Variants in PLA2R1 observed in about 807,000 individuals in gnomAD.
The protein encoded by PLA2R1 is phospholipase A2 receptor 1, also known as secretory phospholipase A2 receptor.
A neutral mutation model predicts 195.9 loss-of-function variants in PLA2R1; 158 were observed. The ratio of observed to expected loss-of-function variants is 0.81; its 90% CI spans 0.71 to 0.92. PLA2R1 has a LOEUF of 0.92. Ranked by LOEUF, PLA2R1 falls within the 40% of genes least tolerant of loss-of-function variation. The probability of loss-of-function intolerance (pLI) is 0.00; values close to 1 mark genes in which losing one functional copy is unlikely to be tolerated. For missense variants in PLA2R1, 1,626 were observed against 1,764.6 expected, an observed-to-expected ratio of 0.92 and a Z score of 1.41; for synonymous variants, 586 against 598.2, an observed-to-expected ratio of 0.98 and a Z score of 0.30.
At chr2:160,010,725 T>A (rs931105289) in intron 10 of PLA2R1, among the ~76,000 whole-genome samples, 9 of 152,214 alleles carry the variant, frequency 5.9e-5, no homozygotes, top group African/African-American at 2.2e-4. Context: ...TTCCAACGTG[T>A]ATGGTGAATC....
At position 159,961,621 on chromosome 2, in the gene PLA2R1, C is replaced by A. The variant is rs144756116; in HGVS notation, c.2905-4994G>T. On this transcript the variant is annotated intron_variant, in intron 20 of 29. Transcript: ENST00000283243. ...CCAGGGCTAGCTTCAGAAGGCGCCTCCCCTCCCCGCCATTCTCATGCACAT... is the reference window on the plus strand; with the variant it reads ...CCAGGGCTAGCTTCAGAAGGCGCCTACCCTCCCCGCCATTCTCATGCACAT... Among the ~76,000 whole-genome samples the A allele has an allele frequency of 1.3e-4, 20 of 152,222 alleles. No individual in the cohort carries two copies. In the East Asian group the frequency reaches 2.7e-3, roughly 21 times the overall value.
intron 15 of PLA2R1, 134 bp downstream of exon 15, chr2:159,977,150 A>G: frequency 1.5e-6 from 1 of 669,498 alleles, no homozygotes. Context: ...CTATAGAAAC[A>G]TTTTTTGCTA....
At chr2:159,997,028 T>A (rs1025915551) in intron 11 of PLA2R1, among the ~76,000 whole-genome samples, 1 of 152,190 alleles carries the variant, frequency 6.6e-6, no homozygotes, top group East Asian at 1.9e-4. Flanking sequence ...CATAGCTGAC[T>A]GGCTCTGATG....
At chr2:159,993,852 T>C (rs967060396) in intron 11 of PLA2R1, among the ~76,000 whole-genome samples, 1 of 152,078 alleles carries the variant, frequency 6.6e-6, no homozygotes, top group South Asian at 2.1e-4. Context: ...CACTAATGGG[T>C]CACAGATGAA....
At chr2:160,033,260 T>A in intron 3 of PLA2R1, 128 bp from the exon 4 acceptor site, 1 of 617,680 alleles carries the variant, frequency 1.6e-6, no homozygotes, top group Non-Finnish European at 2.7e-6. Context: ...TATCTATTCT[T>A]GATTAGGTCT....
At chr2:160,035,105 C>G (rs1045427680) in intron 3 of PLA2R1, among the ~76,000 whole-genome samples, 1 of 152,116 alleles carries the variant, frequency 6.6e-6, no homozygotes, top group Non-Finnish European at 1.5e-5. Flanking sequence ...TATGTATATG[C>G]AAATATCCTA....
At chr2:160,043,870 A>G (rs1328459796) in intron 2 of PLA2R1, among the ~76,000 whole-genome samples, 1 of 152,158 alleles carries the variant, frequency 6.6e-6, no homozygotes, top group Non-Finnish European at 1.5e-5. Context: ...CCAGGACCGT[A>G]CAGAATTCTT....
intron 11 of PLA2R1, among the ~76,000 whole-genome samples, chr2:159,996,634 T>C (rs183069807): frequency 1.3e-5 from 2 of 152,228 alleles, no homozygotes; most frequent in Non-Finnish European, 2.9e-5. Flanking sequence ...ATATTGCTTC[T>C]TTTCTTTTAT....
chr2:160,003,378 A>T (rs1691738031), intron 11 of PLA2R1, among the ~76,000 whole-genome samples: 1 of 152,062 alleles, frequency 6.6e-6, no homozygotes, highest in Non-Finnish European at 1.5e-5. Context: ...ACCATAGAAA[A>T]ATTAAAAGGC....
chr2:160,010,721 C>A (rs1359699205), intron 10 of PLA2R1, among the ~76,000 whole-genome samples: 1 of 152,318 alleles, frequency 6.6e-6, no homozygotes, highest in East Asian at 1.9e-4. Flanking sequence ...AAAATTCCAA[C>A]GTGTATGGTG....
chr2:159,958,003 G>A (rs752761711), intron 20 of PLA2R1, among the ~76,000 whole-genome samples: 4 of 152,126 alleles, frequency 2.6e-5, no homozygotes, highest in Non-Finnish European at 4.4e-5. Context: ...CTAGGTTAGC[G>A]TGGAAACCTA....
intron 1 of PLA2R1, among the ~76,000 whole-genome samples, chr2:160,053,707 G>A (rs1695359698): frequency 6.6e-6 from 1 of 152,214 alleles, no homozygotes; most frequent in African/African-American, 2.4e-5. Context: ...AATGCAACCT[G>A]GTTGCCACTG....
At chr2:159,931,938 C>A (rs1686607531), downstream of PLA2R1, 1 of 151,028 alleles carries the variant, frequency 6.6e-6, no homozygotes, top group African/African-American at 2.5e-5. Flanking sequence ...CTTCCTTTAA[C>A]TGACTTTTTT....
intron 3 of PLA2R1, among the ~76,000 whole-genome samples, chr2:160,034,049 T>C (rs978566332): frequency 6.6e-6 from 1 of 152,214 alleles, no homozygotes; most frequent in Non-Finnish European, 1.5e-5. Flanking sequence ...AATGCATACA[T>C]AGCGTTCTCT....
At position 159,941,740 on chromosome 2, in the gene PLA2R1, A is replaced by G; in HGVS notation, c.*38T>C. The G allele has an allele frequency of 3.6e-6, 4 of 1,125,168 alleles. No individual in the cohort carries two copies. Among genetic ancestry groups the G allele is most frequent in the Non-Finnish European group, 5.4e-6 (4 of 743,316 alleles). 69.7% of individuals were successfully genotyped at this position (1,125,168 alleles called of 1,614,324 possible). On this transcript the variant is annotated 3_prime_UTR_variant, in exon 30 of 30. Coordinates refer to ENST00000283243, the MANE Select transcript of PLA2R1 (RefSeq NM_007366.5). ...ATGAGACTCCTGTTTAGTCTTCTTTACTTACCCTGGTGTCTGTGGCATTCT... is the reference window on the plus strand; with the variant it reads ...ATGAGACTCCTGTTTAGTCTTCTTTGCTTACCCTGGTGTCTGTGGCATTCT...
At chr2:160,042,794 T>TGTGTGC (rs1441442823) in intron 2 of PLA2R1, among the ~76,000 whole-genome samples, 1 of 72,136 alleles carries the variant, frequency 1.4e-5, no homozygotes, top group South Asian at 4.5e-4. Context: ...GTGGGGTGTG[T>TGTGTGC]GTGTGCGTGT....
chr2:159,969,665 C>A (rs1027421635), intron 18 of PLA2R1, among the ~76,000 whole-genome samples: 6 of 152,118 alleles, frequency 3.9e-5, no homozygotes, highest in Admixed American at 2.0e-4. Context: ...CCTTAGCCCC[C>A]CCAAGTAGCT....
At chr2:159,947,312 G>C in intron 26 of PLA2R1, 107 bp downstream of exon 26, 1 of 930,012 alleles carries the variant, frequency 1.1e-6, no homozygotes. Flanking sequence ...AGTTTTTGTT[G>C]CTCCTAAAGT....
chr2:160,052,857 C>T (rs549483714), intron 1 of PLA2R1, among the ~76,000 whole-genome samples: 3 of 152,260 alleles, frequency 2.0e-5, no homozygotes, highest in Admixed American at 6.5e-5. Flanking sequence ...CCATCTTAGC[C>T]GCCTTGGGAG....
Sources: gnomAD v4.1 joint callset for allele counts (sites outside exome capture counted in the v4.1 genomes callset) on GRCh38, gnomAD v4.1.1 for gene constraint, MANE v1.5 for transcripts, NCBI Gene and HGNC (gene_info 2026-07-23, HGNC 2026-07-21) for gene names.